Variants in NSL1 observed in about 807,000 individuals in gnomAD.
NSL1 encodes the protein NSL1 component of MIS12 kinetochore complex.
NSL1 carries 11 observed loss-of-function variants against 25.4 expected under a neutral mutation model. The observed-to-expected ratio is 0.43, with a 90% CI of 0.27 to 0.72. The LOEUF is 0.72. Ranked by LOEUF, NSL1 falls within the 30% of genes least tolerant of loss-of-function variation. NSL1 has a pLI of 0.19. For synonymous variants in NSL1, 118 were observed against 120.6 expected (o/e 0.98, Z 0.14); for missense variants, 330 against 342.7 (o/e 0.96, Z 0.29).
intron 4 of NSL1, among the ~76,000 whole-genome samples, chr1:212,759,864 G>C (rs1191431142): frequency 6.6e-6 from 1 of 152,174 alleles, no homozygotes; most frequent in Non-Finnish European, 1.5e-5. Context: ...CCGTGGGACA[G>C]AGGGAGCTGA....
chr1:212,732,711 C>T lies in NSL1; in HGVS notation c.*5697G>A. The T allele has an allele frequency of 1.0e-6, 1 of 961,026 alleles. No individual in the cohort carries two copies. The highest frequency in any genetic ancestry group is 1.2e-6 in the Non-Finnish European group (1 of 807,720). The allele number at this position is 961,026 out of a possible 1,614,324, so 59.5% of individuals were successfully genotyped here. On this transcript the variant is annotated 3_prime_UTR_variant, in exon 6 of 6. Transcript: ENST00000366977. ...CTTAGTTTCCCAGATCCCATGGCTG[C>T]TGCTTTTTTGGTTTACCCTTTGGAA... is the stretch of plus-strand genomic sequence containing the variant.
chr1:212,768,996 T>G (rs1659969457), intron 4 of NSL1, among the ~76,000 whole-genome samples: 1 of 151,814 alleles, frequency 6.6e-6, no homozygotes, highest in South Asian at 2.1e-4. Context: ...CAGTAAGCTA[T>G]GATCACTCCA....
intron 4 of NSL1, among the ~76,000 whole-genome samples, chr1:212,773,875 C>A (rs1660232673): frequency 6.6e-6 from 1 of 151,614 alleles, no homozygotes. Flanking sequence ...AAAATCCGGT[C>A]ATTTGCAGCA....
chr1:212,739,693 C>A lies in NSL1; in HGVS notation c.500-92G>T. 3.3e-6 allele frequency: 4 copies of A among 1,207,774 alleles called. No homozygotes were observed. In the South Asian group the frequency reaches 5.4e-5, roughly 16 times the overall value. The allele number at this position is 1,207,774 out of a possible 1,614,324, so 74.8% of individuals were successfully genotyped here. ...ATACTATCTGAAAGGCATATAGATG[C>A]TATCTGGACAAAAATCTGCTAGGAC... On this transcript the variant is annotated intron_variant, in intron 4 of 5. Transcript: ENST00000366977.
At chr1:212,777,321 G>A (rs1032095181) in intron 4 of NSL1, among the ~76,000 whole-genome samples, 1 of 151,862 alleles carries the variant, frequency 6.6e-6, no homozygotes. Flanking sequence ...AGGTGGCAAT[G>A]AGCCATGATC....
At chr1:212,765,115 G>T (rs1659745672) in intron 4 of NSL1, among the ~76,000 whole-genome samples, 1 of 151,964 alleles carries the variant, frequency 6.6e-6, no homozygotes. Flanking sequence ...ACAAAAAAAA[G>T]TCCAGGACCA....
intron 1 of NSL1, among the ~76,000 whole-genome samples, chr1:212,790,138 C>G (rs547966400): frequency 2.0e-5 from 3 of 152,068 alleles, no homozygotes; most frequent in African/African-American, 4.8e-5. Flanking sequence ...CTCAGCCTCC[C>G]GAGTAGCTGG....
At position 212,732,383 on chromosome 1, in the gene NSL1, G is replaced by T. The variant is rs866198543; in HGVS notation, c.*6025C>A. On this transcript the variant is annotated 3_prime_UTR_variant, in exon 6 of 6. Coordinates refer to ENST00000366977, the MANE Select transcript of NSL1 (RefSeq NM_015471.4). ...GCTGGAGTGCGATGGCGTGATCTTGGCTCACTGCAACCTCTGCCTCCTGGG... is the reference window on the plus strand; with the variant it reads ...GCTGGAGTGCGATGGCGTGATCTTGTCTCACTGCAACCTCTGCCTCCTGGG... 12 of 574,238 alleles carry T rather than the reference G, an allele frequency of 2.1e-5. No individual in the cohort carries two copies. In the South Asian group the frequency reaches 7.0e-4, roughly 33 times the overall value. 35.6% of individuals were successfully genotyped at this position (574,238 alleles called of 1,614,324 possible).
At chr1:212,773,776 C>T (rs1660229239) in intron 4 of NSL1, among the ~76,000 whole-genome samples, 2 of 151,984 alleles carry the variant, frequency 1.3e-5, no homozygotes, top group Admixed American at 1.3e-4. Flanking sequence ...AGCCTAGATA[C>T]GGAATCAACC....
Position 212,737,518 on chromosome 1 carries a change from T to C in NSL1, c.*890A>G, listed in dbSNP as rs1027183133. 15 of 981,404 alleles carry C rather than the reference T, an allele frequency of 1.5e-5. No homozygotes were observed. In the African/African-American group the frequency reaches 2.6e-4, roughly 17 times the overall value. The allele number at this position is 981,404 out of a possible 1,614,324, so 60.8% of individuals were successfully genotyped here. A position where few individuals can be genotyped will look rare whatever the true frequency, so the allele number is the denominator to read the frequency against. On this transcript the variant is annotated 3_prime_UTR_variant, in exon 6 of 6. Coordinates refer to ENST00000366977, the MANE Select transcript of NSL1 (RefSeq NM_015471.4). ...AGAAACTATAGTTAAATGTTAGAAG[T>C]AAAGCCAATATCGTTTTCTCAGACT...
intron 4 of NSL1, among the ~76,000 whole-genome samples, chr1:212,774,551 A>AAGG (rs1660268848): frequency 6.6e-6 from 1 of 152,154 alleles, no homozygotes; most frequent in Non-Finnish European, 1.5e-5. Context: ...TTCTCCAAAG[A>AAGG]AGATATACAG....
In NSL1 at chr1:212,732,138, T is replaced by A; in HGVS notation, c.*6270A>T. On this transcript the variant is annotated 3_prime_UTR_variant, in exon 6 of 6. Transcript: ENST00000366977. The stretch of plus-strand genomic sequence containing the variant: ...TGTAACCATGATTACATTTCTTTTT[T>A]TGTACAGCTTTCTGCCTCTACTGTA... 1.0e-6 allele frequency: 1 copy of A among 984,970 alleles called. No homozygotes were observed. Among genetic ancestry groups the A allele is most frequent in the Non-Finnish European group, 1.2e-6 (1 of 829,572 alleles). The allele number at this position is 984,970 out of a possible 1,614,324, so 61.0% of individuals were successfully genotyped here.
chr1:212,781,393 T>G (rs572427527), intron 4 of NSL1, among the ~76,000 whole-genome samples: 63 of 152,324 alleles, frequency 4.1e-4, no homozygotes, highest in Non-Finnish European at 8.8e-4. Flanking sequence ...AAAACAAGTA[T>G]ATGTCAACCA....
chr1:212,769,048 A>G (rs1605421), intron 4 of NSL1, among the ~76,000 whole-genome samples: 3 of 151,670 alleles, frequency 2.0e-5, no homozygotes, highest in Admixed American at 2.0e-4. Context: ...CCTGTCTCAA[A>G]ACAAACAATG....
chr1:212,785,434 G>C (rs1260099521), intron 2 of NSL1, among the ~76,000 whole-genome samples: 15 of 151,884 alleles, frequency 9.9e-5, no homozygotes, highest in Admixed American at 9.8e-4. Context: ...TCGGTGTGCT[G>C]CACCCATTAA....
At position 212,760,349 on chromosome 1, in the gene NSL1, G is replaced by A. The variant is rs966336914; in HGVS notation, c.500-20748C>T. Reference sequence around the variant, plus strand: ...TCTGAGAGCGCCATCTAGGGGCCCAGGAATAGCCTCATTCTGTCTGTTGCT... The same window carrying A: ...TCTGAGAGCGCCATCTAGGGGCCCAAGAATAGCCTCATTCTGTCTGTTGCT... On this transcript the variant is annotated intron_variant, in intron 4 of 5. Coordinates refer to ENST00000366977, the MANE Select transcript of NSL1 (RefSeq NM_015471.4). The surrounding 1 kb of genome is among the most constrained non-coding windows in gnomAD (Gnocchi z 4.3). 3.9e-5 allele frequency among the ~76,000 whole-genome samples: 6 copies of A among 152,126 alleles called. No individual in the cohort carries two copies. The highest frequency in any genetic ancestry group is 7.4e-5 in the Non-Finnish European group (5 of 68,012).
chr1:212,736,936 T>C lies in NSL1; in HGVS notation c.*1472A>G. On this transcript the variant is annotated 3_prime_UTR_variant, in exon 6 of 6. Transcript: ENST00000366977. ...AAGTAGCTTATATAATCTAATAGAATTAACAATAACTCTTTTGTTTGGGGA... is the reference window on the plus strand; with the variant it reads ...AAGTAGCTTATATAATCTAATAGAACTAACAATAACTCTTTTGTTTGGGGA... 1 of 984,016 alleles carries C rather than the reference T, an allele frequency of 1.0e-6. No individual in the cohort carries two copies. The highest frequency in any genetic ancestry group is 1.7e-5 in the African/African-American group (1 of 57,340). The allele number at this position is 984,016 out of a possible 1,614,324, so 61.0% of individuals were successfully genotyped here. A position where few individuals can be genotyped will look rare whatever the true frequency, so the allele number is the denominator to read the frequency against.
In NSL1 at chr1:212,737,626, T is replaced by C; in HGVS notation, c.*782A>G. 1.1e-6 allele frequency: 1 copy of C among 947,162 alleles called. No individual in the cohort carries two copies. The highest frequency in any genetic ancestry group is 1.3e-6 in the Non-Finnish European group (1 of 794,904). The allele number at this position is 947,162 out of a possible 1,614,324, so 58.7% of individuals were successfully genotyped here. ...AACACAATGACACTTTGCCAGTGTA[T>C]TAATCTGATATATATTTTGAACTGG... On this transcript the variant is annotated 3_prime_UTR_variant, in exon 6 of 6. Transcript: ENST00000366977.
In NSL1 at chr1:212,730,736, G is replaced by A. The variant is rs1657980359; in HGVS notation, c.*7672C>T. ...TGCAGGGATATGGGAATTAGACTTA[G>A]TTCTAGTAGACGTAGTTCTAGTAGA... On this transcript the variant is annotated 3_prime_UTR_variant, in exon 6 of 6. Transcript: ENST00000366977. The A allele has an allele frequency of 1.0e-6, 1 of 985,378 alleles. No homozygotes were observed. Among genetic ancestry groups the A allele is most frequent in the African/African-American group, 1.7e-5 (1 of 57,330 alleles). 61.0% of individuals were successfully genotyped at this position (985,378 alleles called of 1,614,324 possible).
Sources: allele counts gnomAD v4.1 joint callset (sites outside exome capture counted in the v4.1 genomes callset), GRCh38; gene constraint gnomAD v4.1.1; non-coding constraint Gnocchi (gnomAD v3.1); transcripts MANE v1.5; gene names NCBI Gene and HGNC (gene_info 2026-07-23, HGNC 2026-07-21).